Variants in BLMH observed in about 807,000 individuals in gnomAD.
BLMH encodes the protein bleomycin hydrolase.
A neutral mutation model predicts 61.6 loss-of-function variants in BLMH; 32 were observed. The ratio of observed to expected loss-of-function variants is 0.52; its 90% CI spans 0.39 to 0.70. The LOEUF is 0.70. BLMH is among the 30% of genes least tolerant of loss of function. The pLI is 0.00. For missense variants in BLMH, 460 were observed against 555.5 expected (o/e 0.83, Z 1.73); for synonymous variants, 183 against 193.8 (o/e 0.94, Z 0.46).
At chr17:30,253,923 G>A (rs1309987069) in intron 11 of BLMH, among the ~76,000 whole-genome samples, 3 of 152,174 alleles carry the variant, frequency 2.0e-5, no homozygotes, top group Non-Finnish European at 2.9e-5. Flanking sequence ...AACAGAAAGG[G>A]TAGGGTCAGT....
At chr17:30,285,890 GCTGA>G (rs1908714297) in intron 5 of BLMH, among the ~76,000 whole-genome samples, 1 of 151,950 alleles carries the variant, frequency 6.6e-6, no homozygotes. Flanking sequence ...TTCTCTGCCG[GCTGA>G]CTATGACTAT....
intron 4 of BLMH, among the ~76,000 whole-genome samples, chr17:30,287,424 T>A (rs1908763357): frequency 6.6e-6 from 1 of 152,236 alleles, no homozygotes. Context: ...CTCAAGTGTA[T>A]CTATCATACT....
chr17:30,260,605 C>T (rs1008688290), intron 11 of BLMH, among the ~76,000 whole-genome samples: 9 of 152,050 alleles, frequency 5.9e-5, no homozygotes, highest in Non-Finnish European at 1.2e-4. Context: ...GAGGGCCGGG[C>T]GTGATGGCTC....
intron 11 of BLMH, among the ~76,000 whole-genome samples, chr17:30,263,362 T>A (rs1213582847): frequency 6.6e-6 from 1 of 152,228 alleles, no homozygotes; most frequent in Non-Finnish European, 1.5e-5. Flanking sequence ...AAAATATTTT[T>A]ATCAACTTTT....
In BLMH at chr17:30,287,906, T is replaced by C. The variant is rs773407348; in HGVS notation, c.363A>G (p.Thr121=). The stretch of plus-strand genomic sequence containing the variant: ...CATCCTCAGGCTCCTTTCTCTGGGC[T>C]GTGTCCACAAAAGCACTCAAGAAGA... ...CYFFLSAFVD[T]AQRKEPEDGR... is the part of the protein sequence containing the mutation. Residue 121 remains threonine (T), a synonymous_variant, in exon 4 of 12, where the codon ACA becomes ACG. Coordinates refer to ENST00000261714, the MANE Select transcript of BLMH (RefSeq NM_000386.4). 12 of 1,614,006 alleles carry C rather than the reference T, an allele frequency of 7.4e-6. No individual in the cohort carries two copies. The highest frequency in any genetic ancestry group is 9.3e-6 in the Non-Finnish European group (11 of 1,179,968).
rs779087289 is a variant in BLMH, at chr17:30,291,482, G to C, written c.40C>G (p.Leu14Val). ...GGGTCGGAATTCAGTTTCTGTATCA[G>C]AGCAGCTACCTTCTCCGAATTCAGT... is the stretch of plus-strand genomic sequence containing the variant. The part of the protein sequence containing the change: ...SGLNSEKVAA[L>V]IQKLNSDPQF... The change falls in exon 2 of 12, where the codon CTG (leucine) becomes GTG (valine). Residue 14 changes from leucine (L) to valine (V), a missense_variant. Leu to Val is a conservative substitution (Grantham distance 32, BLOSUM62 1). Coordinates refer to ENST00000261714, the MANE Select transcript of BLMH (RefSeq NM_000386.4). 1 of 1,614,226 alleles carries C rather than the reference G, an allele frequency of 6.2e-7. No individual in the cohort carries two copies. Among genetic ancestry groups the C allele is most frequent in the Non-Finnish European group, 8.5e-7 (1 of 1,180,040 alleles).
chr17:30,291,195 T>C, intron 2 of BLMH, 116 bp downstream of exon 2: 2 of 1,309,370 alleles, frequency 1.5e-6, no homozygotes, highest in Non-Finnish European at 1.1e-6. Context: ...CCTCATTCTT[T>C]ACGAATTTAC....
rs200638764 is a variant in BLMH, at chr17:30,272,325, G to A, written c.1028+236C>T. On this transcript the variant is annotated intron_variant, in intron 9 of 11. Coordinates refer to ENST00000261714, the MANE Select transcript of BLMH (RefSeq NM_000386.4). ...TCATAGAGGATGGCTTTTTAGGAAC[G>A]CCCAACGATTTCCACTCAGATAGAA... 184 of 540,966 alleles carry A rather than the reference G, an allele frequency of 3.4e-4. No individual in the cohort carries two copies. In the East Asian group the frequency reaches 5.1e-3, roughly 15 times the overall value. The allele number at this position is 540,966 out of a possible 1,614,324, so 33.5% of individuals were successfully genotyped here. A position where few individuals can be genotyped will look rare whatever the true frequency, so the allele number is the denominator to read the frequency against.
At chr17:30,285,983 C>A (rs1371069813) in intron 5 of BLMH, among the ~76,000 whole-genome samples, 2 of 152,078 alleles carry the variant, frequency 1.3e-5, no homozygotes, top group Non-Finnish European at 2.9e-5. Flanking sequence ...TGAAATTTAA[C>A]CACAGTGCTA....
rs114935595 is a variant in BLMH at position 30,279,438 on chromosome 17, T to C, written c.646-5241A>G. Among the ~76,000 whole-genome samples, 568 of 152,326 alleles carry C rather than the reference T, an allele frequency of 3.7e-3. 4 individuals carry two copies. Among genetic ancestry groups the C allele is most frequent in the African/African-American group, 0.013 (541 of 41,570 alleles). ...GATTTTATATCTTTAGCTAATTAAA[T>C]AGAGAATTTAAACTAACCTAAAACA... On this transcript the variant is annotated intron_variant, in intron 6 of 11. Coordinates refer to ENST00000261714, the MANE Select transcript of BLMH (RefSeq NM_000386.4).
chr17:30,286,496 T>C lies in BLMH; in HGVS notation c.552+318A>G, dbSNP rs73269828. 1.6e-3 allele frequency among the ~76,000 whole-genome samples: 242 copies of C among 152,280 alleles called. 1 individual carries two copies. Among genetic ancestry groups the C allele is most frequent in the African/African-American group, 5.4e-3 (226 of 41,552 alleles). On this transcript the variant is annotated intron_variant, in intron 5 of 11. Transcript: ENST00000261714. ...TAAAGCAGTCCTAGCCCACCTCCACTAGAACCAAGTGAGAGACACCGCACC... is the reference window on the plus strand; with the variant it reads ...TAAAGCAGTCCTAGCCCACCTCCACCAGAACCAAGTGAGAGACACCGCACC...
At chr17:30,283,518 CTTT>C (rs531841262) in intron 6 of BLMH, among the ~76,000 whole-genome samples, 13 of 127,028 alleles carry the variant, frequency 1.0e-4, no homozygotes, top group South Asian at 5.3e-4. Flanking sequence ...ATACCTCCAT[CTTT>C]TTTTTTTTTT....
At chr17:30,256,722 T>C (rs1907828135) in intron 11 of BLMH, among the ~76,000 whole-genome samples, 1 of 134,664 alleles carries the variant, frequency 7.4e-6, no homozygotes, top group South Asian at 2.2e-4. Flanking sequence ...GCTATTATAA[T>C]GAAAAAAAAA....
intron 6 of BLMH, among the ~76,000 whole-genome samples, chr17:30,278,088 G>T (rs1471154611): frequency 6.6e-6 from 1 of 151,936 alleles, no homozygotes; most frequent in African/African-American, 2.4e-5. Flanking sequence ...AATAACAATA[G>T]TTAATTAAAT....
intron 6 of BLMH, among the ~76,000 whole-genome samples, chr17:30,279,726 T>G (rs574985881): frequency 6.6e-6 from 1 of 152,186 alleles, no homozygotes; most frequent in Admixed American, 6.5e-5. Flanking sequence ...AACTTGAGCC[T>G]GGGAGGTTGA....
chr17:30,287,020 C>T, intron 4 of BLMH, 118 bp from the exon 5 acceptor site: 3 of 671,856 alleles, frequency 4.5e-6, no homozygotes, highest in Non-Finnish European at 7.6e-6. Context: ...AAATCTTATA[C>T]TTCATATTAT....
chr17:30,287,714 C>G, intron 4 of BLMH, 92 bp downstream of exon 4: 1 of 1,444,592 alleles, frequency 6.9e-7, no homozygotes, highest in Non-Finnish European at 9.5e-7. Flanking sequence ...CAATTCTACT[C>G]TGTACACAAC....
At chr17:30,288,616 G>C (rs1908797418) in intron 3 of BLMH, among the ~76,000 whole-genome samples, 1 of 152,048 alleles carries the variant, frequency 6.6e-6, no homozygotes, top group Non-Finnish European at 1.5e-5. Flanking sequence ...CAAAGTGCTG[G>C]GATTACAGGC....
chr17:30,275,989 A>G (rs1413067648), intron 6 of BLMH, among the ~76,000 whole-genome samples: 3 of 152,086 alleles, frequency 2.0e-5, no homozygotes, highest in Non-Finnish European at 2.9e-5. Flanking sequence ...AATTCTCATA[A>G]TACCCTCTCA....
Sources: gnomAD v4.1 joint callset for allele counts (sites outside exome capture counted in the v4.1 genomes callset) on GRCh38, gnomAD v4.1.1 for gene constraint, MANE v1.5 for transcripts, NCBI Gene and HGNC (gene_info 2026-07-23, HGNC 2026-07-21) for gene names.